The following RARB variants were observed in gnomAD, a reference collection of about 807,000 sequenced individuals.
RARB encodes retinoic acid receptor beta, also known as HBV-activated protein.
Under a neutral mutation model 51.9 loss-of-function variants are expected in RARB, and 17 were observed. The observed-to-expected ratio is 0.33, with a 90% CI of 0.22 to 0.49. The LOEUF (loss-of-function observed/expected upper bound fraction) is 0.49. Among genes scored for constraint, RARB ranks in the 20% least tolerant of loss-of-function variants. The pLI is 0.99. For synonymous variants in RARB, 215 were observed against 195.4 expected (o/e 1.10, Z -0.84); for missense variants, 369 against 550.8 (o/e 0.67, Z 3.30).
Position 25,328,611 on chromosome 3 carries a change from C to G in RARB, c.179-132582C>G, listed in dbSNP as rs181932157. Among the ~76,000 whole-genome samples the G allele has an allele frequency of 3.3e-5, 5 of 152,306 alleles. No individual in the cohort carries two copies. The East Asian group carries it at 9.6e-4, about 29-fold the overall frequency. ...TCCAGTCTACAGCTCCCAGCATGAG[C>G]GACACAGAAGACAGGCAATTTTTGC... is the stretch of plus-strand genomic sequence containing the variant. On this transcript the variant is annotated intron_variant, in intron 5 of 11. Transcript: ENST00000383772.
chr3:25,045,053 TAA>T (rs1031374272), intron 2 of RARB, among the ~76,000 whole-genome samples: 4 of 152,180 alleles, frequency 2.6e-5, no homozygotes, highest in African/African-American at 9.7e-5. Context: ...TTCGAAAACC[TAA>T]AAAGTTTAGT....
intron 4 of RARB, among the ~76,000 whole-genome samples, chr3:25,577,627 G>GTAA (rs1306938801): frequency 1.3e-5 from 2 of 152,140 alleles, no homozygotes; most frequent in African/African-American, 4.8e-5. Flanking sequence ...ACAAACCACT[G>GTAA]TAATACCCAG....
At chr3:25,039,685 T>C (rs1296001179) in intron 2 of RARB, among the ~76,000 whole-genome samples, 1 of 152,222 alleles carries the variant, frequency 6.6e-6, no homozygotes, top group African/African-American at 2.4e-5. Context: ...TTTCTTTGCC[T>C]CTTTTATTGT....
At chr3:25,059,065 A>T (rs1698497554) in intron 2 of RARB, among the ~76,000 whole-genome samples, 1 of 151,562 alleles carries the variant, frequency 6.6e-6, no homozygotes, top group Non-Finnish European at 1.5e-5. Flanking sequence ...CATGTGCATT[A>T]GTACAAGAAA....
At chr3:25,127,914 A>C (rs1448396648) in intron 3 of RARB, among the ~76,000 whole-genome samples, 1 of 152,108 alleles carries the variant, frequency 6.6e-6, no homozygotes, top group Non-Finnish European at 1.5e-5. Context: ...CATTTTGAAA[A>C]ACAAAAAAGC....
At chr3:25,312,140 G>A (rs774706542) in intron 5 of RARB, among the ~76,000 whole-genome samples, 31 of 152,150 alleles carry the variant, frequency 2.0e-4, no homozygotes, top group South Asian at 4.1e-4. Flanking sequence ...TGCCAAGGAT[G>A]ATGGGGGTAG....
intron 3 of RARB, among the ~76,000 whole-genome samples, chr3:25,078,248 A>G (rs1307689733): frequency 6.6e-6 from 1 of 152,168 alleles, no homozygotes; most frequent in Non-Finnish European, 1.5e-5. Flanking sequence ...AAGAAGCTGT[A>G]AGATTTTATC....
intron 2 of RARB, among the ~76,000 whole-genome samples, chr3:25,494,013 C>T (rs1406979968): frequency 1.3e-5 from 2 of 152,094 alleles, no homozygotes; most frequent in Non-Finnish European, 2.9e-5. Flanking sequence ...CTGCCTAGAC[C>T]CAAGGGCAGG....
At chr3:25,403,615 TAA>T (rs1707324358) in intron 5 of RARB, among the ~76,000 whole-genome samples, 1 of 152,032 alleles carries the variant, frequency 6.6e-6, no homozygotes, top group Non-Finnish European at 1.5e-5. Flanking sequence ...AGAACCAGAA[TAA>T]AAATAAAAAT....
At chr3:24,872,661 G>A (rs1258967741) in intron 2 of RARB, among the ~76,000 whole-genome samples, 1 of 152,040 alleles carries the variant, frequency 6.6e-6, no homozygotes, top group East Asian at 1.9e-4. Context: ...GATGGAGTGA[G>A]AACTTCCTCA....
chr3:25,363,590 A>G (rs772491763), intron 5 of RARB, among the ~76,000 whole-genome samples: 4 of 152,134 alleles, frequency 2.6e-5, no homozygotes, highest in Non-Finnish European at 5.9e-5. Flanking sequence ...ATGGGTCTAC[A>G]ATCTAATGAC....
intron 2 of RARB, among the ~76,000 whole-genome samples, chr3:25,480,492 T>C (rs1054387934): frequency 1.3e-5 from 2 of 152,176 alleles, no homozygotes; most frequent in African/African-American, 4.8e-5. Context: ...TAGGTTCAAA[T>C]GGTAGCTAAG....
chr3:25,513,018 G>A (rs1359574432), intron 3 of RARB, among the ~76,000 whole-genome samples: 2 of 151,396 alleles, frequency 1.3e-5, no homozygotes, highest in Non-Finnish European at 2.9e-5. Flanking sequence ...GGCTGGGTGC[G>A]ATGGCTCATG....
chr3:25,228,640 T>A (rs1467347114), intron 5 of RARB, among the ~76,000 whole-genome samples: 1 of 152,084 alleles, frequency 6.6e-6, no homozygotes, highest in African/African-American at 2.4e-5. Flanking sequence ...TTGCCTTAAC[T>A]TTTTTTGGTG....
intron 1 of RARB, chr3:25,458,229 T>C (rs1695008881): frequency 6.6e-6 from 1 of 152,198 alleles, no homozygotes; most frequent in East Asian, 1.9e-4. Context: ...CTGTGAAAAA[T>C]ATTTATCGAC....
At chr3:25,484,452 T>C (rs907137023) in intron 2 of RARB, among the ~76,000 whole-genome samples, 3 of 152,218 alleles carry the variant, frequency 2.0e-5, no homozygotes, top group African/African-American at 7.2e-5. Flanking sequence ...CCTCGCTGAT[T>C]ACTACAAAAT....
chr3:25,281,930 T>C (rs1703533423), intron 5 of RARB, among the ~76,000 whole-genome samples: 1 of 152,194 alleles, frequency 6.6e-6, no homozygotes, highest in Admixed American at 6.5e-5. Flanking sequence ...TAATCATATA[T>C]TTAAGTGCCT....
At chr3:24,981,068 C>T (rs1696655752) in intron 2 of RARB, among the ~76,000 whole-genome samples, 1 of 152,170 alleles carries the variant, frequency 6.6e-6, no homozygotes, top group Middle Eastern at 3.2e-3. Flanking sequence ...CCACTCCAGA[C>T]CTTGTTTGCC....
intron 2 of RARB, among the ~76,000 whole-genome samples, chr3:25,051,514 C>T (rs982217123): frequency 1.1e-4 from 17 of 151,910 alleles, no homozygotes; most frequent in African/African-American, 3.6e-4. Flanking sequence ...AAAGATCAAG[C>T]GGTATATCTT....
Sources: gnomAD v4.1 joint callset for allele counts (sites outside exome capture counted in the v4.1 genomes callset) on GRCh38, gnomAD v4.1.1 for gene constraint, MANE v1.5 for transcripts, NCBI Gene and HGNC (gene_info 2026-07-23, HGNC 2026-07-21) for gene names.